The following FNBP1 variants were observed in gnomAD, a reference collection of about 807,000 sequenced individuals.
FNBP1 encodes the protein formin binding protein 1, also known as formin-binding protein 1.
In FNBP1, 26 loss-of-function variants were observed where a neutral mutation model predicts 90.6. That is an observed-to-expected ratio of 0.29 (90% CI 0.21 to 0.40). FNBP1 has a LOEUF of 0.40. FNBP1 is among the 10% of genes least tolerant of loss of function. The pLI is 1.00. For synonymous variants in FNBP1, 260 were observed against 265.2 expected, an observed-to-expected ratio of 0.98 and a Z score of 0.19; for missense variants, 635 against 768.0, an observed-to-expected ratio of 0.83 and a Z score of 2.05.
At chr9:129,928,232 C>T (rs188910317) in intron 7 of FNBP1, among the ~76,000 whole-genome samples, 147 of 152,286 alleles carry the variant, frequency 9.7e-4, no homozygotes, top group Middle Eastern at 3.4e-3. Context: ...AGAAAACAAT[C>T]CAAAAGAAAG....
rs1282230083 is a variant in FNBP1, at chr9:129,890,137, T to C, written c.*402A>G. ...CCTGATGTGCGCTGGACCTGCCTTGTCTCCTCAGGGGACCCGTGATGACAC... is the reference window on the plus strand; with the variant it reads ...CCTGATGTGCGCTGGACCTGCCTTGCCTCCTCAGGGGACCCGTGATGACAC... On this transcript the variant is annotated 3_prime_UTR_variant, in exon 17 of 17. Transcript: ENST00000446176. This position sits in a 1 kb window ranked among gnomAD's most constrained non-coding sequence, Gnocchi z 5.8. 3.0e-6 allele frequency: 1 copy of C among 330,058 alleles called. No individual in the cohort carries two copies. The highest frequency in any genetic ancestry group is 2.1e-5 in the African/African-American group (1 of 47,572). 20.4% of individuals were successfully genotyped at this position (330,058 alleles called of 1,614,324 possible). A position where few individuals can be genotyped will look rare whatever the true frequency, so the allele number is the denominator to read the frequency against.
rs546678636 is a variant in FNBP1, at chr9:129,936,298, A to G, written c.514-6603T>C. 2.0e-5 allele frequency: 3 copies of G among 152,298 alleles called. No homozygotes were observed. In the East Asian group the frequency reaches 5.8e-4, roughly 29 times the overall value. The allele number at this position is 152,298 out of a possible 1,614,324, so 9.4% of individuals were successfully genotyped here. A position where few individuals can be genotyped will look rare whatever the true frequency, so the allele number is the denominator to read the frequency against. On this transcript the variant is annotated intron_variant, in intron 6 of 16. Transcript: ENST00000446176. ...ATGGATGGAAATGGGGGCTCAATCT[A>G]GATTTTATTCCCTTTCCTCTAAGAA... is the stretch of plus-strand genomic sequence containing the variant.
chr9:129,945,214 A>G (rs1272418100), intron 6 of FNBP1, among the ~76,000 whole-genome samples: 1 of 152,218 alleles, frequency 6.6e-6, no homozygotes, highest in Non-Finnish European at 1.5e-5. Context: ...CCACTTATAA[A>G]AGAACAGTTA....
chr9:130,041,004 C>T lies in FNBP1; in HGVS notation c.24+1948G>A, dbSNP rs1174066699. 3.2e-4 allele frequency among the ~76,000 whole-genome samples: 43 copies of T among 134,668 alleles called. 1 individual carries two copies. The Middle Eastern group carries it at 0.011, about 35-fold the overall frequency. 88.3% of individuals were successfully genotyped at this position (134,668 alleles called of 152,430 possible). On this transcript the variant is annotated intron_variant, in intron 1 of 16. Transcript: ENST00000446176. The surrounding 1 kb of genome is among the most constrained non-coding windows in gnomAD (Gnocchi z 4.3). ...TTTTTTCTTTTTTCTTTTTTCTTTT[C>T]TTTTTTTTTTTTTTAAGAGGAGGCC...
chr9:129,913,205 C>T (rs2131629562), intron 11 of FNBP1, among the ~76,000 whole-genome samples: 1 of 152,192 alleles, frequency 6.6e-6, no homozygotes, highest in East Asian at 1.9e-4. Flanking sequence ...GAGACTCCAT[C>T]TCAAAACAAA....
chr9:130,039,388 T>C (rs536873819), intron 1 of FNBP1, among the ~76,000 whole-genome samples: 4 of 152,244 alleles, frequency 2.6e-5, no homozygotes, highest in Admixed American at 1.3e-4. Flanking sequence ...AAAATGGCCA[T>C]GTAAGCCTGG....
chr9:130,034,579 A>G (rs1330073092), intron 1 of FNBP1, among the ~76,000 whole-genome samples: 1 of 152,212 alleles, frequency 6.6e-6, no homozygotes, highest in Non-Finnish European at 1.5e-5. Flanking sequence ...CTACTAATTA[A>G]TATCCACACA....
chr9:130,048,150 T>A (rs552667692), upstream of FNBP1, among the ~76,000 whole-genome samples: 4 of 125,960 alleles, frequency 3.2e-5, no homozygotes, highest in Non-Finnish European at 6.9e-5. Flanking sequence ...CAAAAACCCA[T>A]GTCTACTAAA....
In FNBP1 at chr9:130,043,070, G is replaced by T; in HGVS notation, c.-95C>A. On this transcript the variant is annotated 5_prime_UTR_variant, in exon 1 of 17. Transcript: ENST00000446176. ...CTTTGCCCCCCGAGATCCCCGCGAC[G>T]GCGGAAAGCCCGGAGTCCGCGCGGC... The T allele has an allele frequency of 8.6e-7, 1 of 1,161,872 alleles. No homozygotes were observed. Among genetic ancestry groups the T allele is most frequent in the South Asian group, 4.4e-5 (1 of 22,946 alleles). 72.0% of individuals were successfully genotyped at this position (1,161,872 alleles called of 1,614,324 possible). A position where few individuals can be genotyped will look rare whatever the true frequency, so the allele number is the denominator to read the frequency against.
chr9:129,931,463 G>A (rs868257121), intron 6 of FNBP1, among the ~76,000 whole-genome samples: 3 of 151,806 alleles, frequency 2.0e-5, no homozygotes, highest in South Asian at 2.1e-4. Flanking sequence ...AAAATTAGCC[G>A]GGTGTGGTGG....
intron 16 of FNBP1, 26 bp downstream of exon 16, chr9:129,895,812 A>G: frequency 7.0e-7 from 1 of 1,423,886 alleles, no homozygotes; most frequent in Non-Finnish European, 9.4e-7. Context: ...TTTTTTTTTT[A>G]TGGTATTAAA....
At chr9:129,955,387 C>T (rs1159071307) in intron 6 of FNBP1, among the ~76,000 whole-genome samples, 1 of 151,870 alleles carries the variant, frequency 6.6e-6, no homozygotes, top group Non-Finnish European at 1.5e-5. Flanking sequence ...ACATGGGCTA[C>T]CATGCTCCAC....
chr9:129,906,646 A>T (rs1367933274), intron 12 of FNBP1, among the ~76,000 whole-genome samples: 1 of 152,154 alleles, frequency 6.6e-6, no homozygotes, highest in Non-Finnish European at 1.5e-5. Context: ...TTTCTTTATA[A>T]ATTACTCAGC....
At chr9:130,050,411 G>C in the FNBP1 span, among the ~76,000 whole-genome samples, 1 of 152,144 alleles carries the variant, frequency 6.6e-6, no homozygotes, top group Non-Finnish European at 1.5e-5. Flanking sequence ...AGGACTCAAA[G>C]TGTGTCAGAG....
Position 129,889,584 on chromosome 9 carries a change from A to AC in FNBP1, c.*954_*955insG, listed in dbSNP as rs1464759687. 18 of 214,242 alleles carry AC rather than the reference A, an allele frequency of 8.4e-5. No individual in the cohort carries two copies. The highest frequency in any genetic ancestry group is 1.5e-3 in the Middle Eastern group (1 of 670). The allele number at this position is 214,242 out of a possible 1,614,324, so 13.3% of individuals were successfully genotyped here. A position where few individuals can be genotyped will look rare whatever the true frequency, so the allele number is the denominator to read the frequency against. On this transcript the variant is annotated 3_prime_UTR_variant, in exon 17 of 17. Transcript: ENST00000446176. ...GACTCCCGTCTCAAAAAAAAAAAAA[A>AC]AACAACAACAAAAAAGGAAGTGCTA...
In FNBP1 at chr9:129,898,726, G is replaced by A. The variant is rs975955948; in HGVS notation, c.1687+1239C>T. On this transcript the variant is annotated intron_variant, in intron 15 of 16. Transcript: ENST00000446176. The stretch of plus-strand genomic sequence containing the variant: ...GATGGTCTCGATCTCCTGACCTCAC[G>A]ATCCGCCTGCCTCGGCCTCCCAAAG... Among the ~76,000 whole-genome samples, 4 of 152,150 alleles carry A rather than the reference G, an allele frequency of 2.6e-5. No individual in the cohort carries two copies. In the East Asian group the frequency reaches 7.8e-4, roughly 30 times the overall value.
intron 15 of FNBP1, among the ~76,000 whole-genome samples, chr9:129,899,080 C>CTT (rs58059037): frequency 7.0e-5 from 10 of 141,990 alleles, no homozygotes; most frequent in Admixed American, 2.1e-4. Flanking sequence ...GCTGCTGCAG[C>CTT]TTTTTTTTTT....
intron 6 of FNBP1, among the ~76,000 whole-genome samples, chr9:129,947,739 C>T (rs1378558631): frequency 6.6e-6 from 1 of 151,556 alleles, no homozygotes; most frequent in African/African-American, 2.4e-5. Flanking sequence ...TCTCCTGCCT[C>T]AGTCTCCCGA....
the FNBP1 span, among the ~76,000 whole-genome samples, chr9:130,051,580 C>T: frequency 9.9e-5 from 15 of 152,106 alleles, no homozygotes; most frequent in Admixed American, 8.5e-4. Context: ...TTTGGTAAGC[C>T]GAGGTGAGCA....
Sources: gnomAD v4.1 joint callset for allele counts (sites outside exome capture counted in the v4.1 genomes callset) on GRCh38, gnomAD v4.1.1 for gene constraint, Gnocchi (gnomAD v3.1) non-coding constraint, MANE v1.5 for transcripts, NCBI Gene and HGNC (gene_info 2026-07-23, HGNC 2026-07-21) for gene names.